The following POU6F2 variants were observed in gnomAD, a reference collection of about 807,000 sequenced individuals.
POU6F2 encodes POU class 6 homeobox 2, also known as POU domain, class 6, transcription factor 2.
POU6F2 carries 31 observed loss-of-function variants against 71.3 expected under a neutral mutation model. The ratio of observed to expected loss-of-function variants is 0.43; its 90% confidence interval spans 0.33 to 0.59. The LOEUF is 0.59. Ranked by LOEUF, POU6F2 falls within the 20% of genes least tolerant of loss-of-function variation. The pLI is 0.04. For synonymous variants in POU6F2, 347 were observed against 355.7 expected (o/e 0.98, Z 0.27); for missense variants, 783 against 856.8 (o/e 0.91, Z 1.07).
At chr7:39,059,262 GAAAGT>G (rs1426285923) in intron 1 of POU6F2, among the ~76,000 whole-genome samples, 1 of 152,030 alleles carries the variant, frequency 6.6e-6, no homozygotes, top group Non-Finnish European at 1.5e-5. Flanking sequence ...ATTAGGAAAG[GAAAGT>G]AATGTTGAGA....
intron 5 of POU6F2, among the ~76,000 whole-genome samples, chr7:39,350,430 T>A (rs1786118510): frequency 6.6e-6 from 1 of 152,156 alleles, no homozygotes; most frequent in Non-Finnish European, 1.5e-5. Context: ...GGGGTTTTTT[T>A]AATTAGATAA....
At chr7:38,996,103 G>A (rs1404537825) in intron 1 of POU6F2, among the ~76,000 whole-genome samples, 5 of 139,624 alleles carry the variant, frequency 3.6e-5, no homozygotes, top group Admixed American at 7.7e-5. Context: ...GGAATGGCGC[G>A]ATCTCGGCTC....
intron 6 of POU6F2, among the ~76,000 whole-genome samples, chr7:39,414,495 C>T (rs2115929305): frequency 6.6e-6 from 1 of 152,316 alleles, no homozygotes; most frequent in Middle Eastern, 3.4e-3. Flanking sequence ...CCTCGCCGTC[C>T]TGAGGCCTGG....
At chr7:39,109,245 G>A (rs552009062) in intron 2 of POU6F2, among the ~76,000 whole-genome samples, 6 of 152,018 alleles carry the variant, frequency 3.9e-5, no homozygotes, top group Admixed American at 3.3e-4. Flanking sequence ...TATGTTGCCC[G>A]GGCTGGTCTT....
At chr7:39,160,069 G>A (rs1792961273) in intron 2 of POU6F2, among the ~76,000 whole-genome samples, 1 of 152,182 alleles carries the variant, frequency 6.6e-6, no homozygotes, top group Admixed American at 6.5e-5. Flanking sequence ...AGACTGGGAA[G>A]TACGAGTTGA....
chr7:39,100,634 T>C (rs1398113201), intron 2 of POU6F2, among the ~76,000 whole-genome samples: 2 of 152,256 alleles, frequency 1.3e-5, no homozygotes, highest in African/African-American at 4.8e-5. Flanking sequence ...TGAATTAATG[T>C]ACATGTTTGT....
At chr7:39,046,199 A>G (rs1790287647) in intron 1 of POU6F2, among the ~76,000 whole-genome samples, 1 of 151,832 alleles carries the variant, frequency 6.6e-6, no homozygotes, top group African/African-American at 2.4e-5. Flanking sequence ...GCGTTTCTCA[A>G]ATTACTAAAT....
chr7:39,438,118 C>T (rs2116055560), intron 7 of POU6F2, among the ~76,000 whole-genome samples: 1 of 152,252 alleles, frequency 6.6e-6, no homozygotes, highest in East Asian at 1.9e-4. Context: ...ACAACAGGCC[C>T]CGGTGTGTGA....
chr7:39,464,771 T>G lies in POU6F2; in HGVS notation c.*85T>G. 7.2e-7 allele frequency: 1 copy of G among 1,379,636 alleles called. No individual in the cohort carries two copies. Among genetic ancestry groups the G allele is most frequent in the Non-Finnish European group, 9.6e-7 (1 of 1,041,792 alleles). 85.5% of individuals were successfully genotyped at this position (1,379,636 alleles called of 1,614,324 possible). A position where few individuals can be genotyped will look rare whatever the true frequency, so the allele number is the denominator to read the frequency against. On this transcript the variant is annotated 3_prime_UTR_variant, in exon 10 of 10. Transcript: ENST00000518318. This position sits in a 1 kb window ranked among gnomAD's most constrained non-coding sequence, Gnocchi z 4.1. The stretch of plus-strand genomic sequence containing the variant: ...CTCCACAACAACAACAACAACAAAA[T>G]TTAATTTAATTTAAAAATAGCCCCA...
At chr7:39,279,802 A>G (rs543057591) in intron 4 of POU6F2, among the ~76,000 whole-genome samples, 13 of 152,272 alleles carry the variant, frequency 8.5e-5, no homozygotes, top group African/African-American at 3.1e-4. Flanking sequence ...GCTGGAATAC[A>G]GTAGAGCGAT....
At chr7:39,250,024 A>T (rs1220931545) in intron 4 of POU6F2, among the ~76,000 whole-genome samples, 1 of 152,220 alleles carries the variant, frequency 6.6e-6, no homozygotes, top group African/African-American at 2.4e-5. Flanking sequence ...CTCTCGCAGC[A>T]CTGAAGGACA....
At chr7:39,228,918 A>G (rs1794521879) in intron 4 of POU6F2, among the ~76,000 whole-genome samples, 2 of 152,164 alleles carry the variant, frequency 1.3e-5, no homozygotes, top group South Asian at 2.1e-4. Flanking sequence ...CTCTGCAGAA[A>G]GTGTCAATGG....
intron 4 of POU6F2, among the ~76,000 whole-genome samples, chr7:39,268,779 C>T (rs993347516): frequency 6.6e-6 from 1 of 152,190 alleles, no homozygotes; most frequent in African/African-American, 2.4e-5. Context: ...ATTACATTTT[C>T]CAGGAATGCA....
At chr7:39,431,825 T>C (rs1405696402) in intron 6 of POU6F2, among the ~76,000 whole-genome samples, 2 of 152,218 alleles carry the variant, frequency 1.3e-5, no homozygotes, top group Non-Finnish European at 2.9e-5. Flanking sequence ...AGGAATCATA[T>C]GTGTAAAAAC....
Position 39,198,133 on chromosome 7 carries a change from T to C in POU6F2, c.278-6102T>C, listed in dbSNP as rs1280033036. ...TTTATTGGGCTGGATATCACAGGAG[T>C]TTCGCTCTGCTTTTATTAGATAGAT... On this transcript the variant is annotated intron_variant, in intron 2 of 9. Coordinates refer to ENST00000518318, the MANE Select transcript of POU6F2 (RefSeq NM_001370959.1). Among the ~76,000 whole-genome samples the C allele has an allele frequency of 2.6e-5, 4 of 152,282 alleles. No homozygotes were observed. In the East Asian group the frequency reaches 7.7e-4, roughly 29 times the overall value.
intron 1 of POU6F2, among the ~76,000 whole-genome samples, chr7:39,038,576 TCTC>T (rs1790114527): frequency 6.6e-6 from 1 of 151,928 alleles, no homozygotes; most frequent in Non-Finnish European, 1.5e-5. Context: ...TGGGGAAATA[TCTC>T]CTCATTTTTC....
chr7:39,362,737 A>C (rs1786415939), intron 5 of POU6F2, among the ~76,000 whole-genome samples: 1 of 152,166 alleles, frequency 6.6e-6, no homozygotes, highest in Non-Finnish European at 1.5e-5. Context: ...GGGAATAATA[A>C]ATGGGGTCAA....
At chr7:39,444,912 A>G (rs3819413) in intron 7 of POU6F2, among the ~76,000 whole-genome samples, 49,069 of 152,002 alleles carry the variant, frequency 0.32, 8,698 homozygotes, top group East Asian at 0.52. Flanking sequence ...TCATTAAGGC[A>G]GGGAGAGAAA....
chr7:39,220,819 A>G (rs1234641764), intron 4 of POU6F2, among the ~76,000 whole-genome samples: 5 of 152,120 alleles, frequency 3.3e-5, no homozygotes, highest in Admixed American at 3.3e-4. Context: ...TAAGTGCACA[A>G]TGAATGATGG....
Sources: allele counts gnomAD v4.1 joint callset (sites outside exome capture counted in the v4.1 genomes callset), GRCh38; gene constraint gnomAD v4.1.1; non-coding constraint Gnocchi (gnomAD v3.1); transcripts MANE v1.5; gene names NCBI Gene and HGNC (gene_info 2026-07-23, HGNC 2026-07-21).